The following ITGA8 variants were observed in gnomAD, a reference collection of about 807,000 sequenced individuals.
ITGA8 encodes integrin subunit alpha 8, also known as integrin alpha-8.
Under a neutral mutation model 142.3 loss-of-function variants are expected in ITGA8, and 91 were observed. The observed-to-expected ratio is 0.64, with a 90% CI of 0.54 to 0.76. The LOEUF is 0.76. Among genes scored for constraint, ITGA8 ranks in the 30% least tolerant of loss-of-function variants. ITGA8 has a pLI of 0.00. For synonymous variants in ITGA8, 505 were observed against 485.2 expected (o/e 1.04, Z -0.54); for missense variants, 1,406 against 1,327.7 (o/e 1.06, Z -0.92).
chr10:15,547,221 G>A (rs1175712259), intron 27 of ITGA8, among the ~76,000 whole-genome samples: 4 of 152,154 alleles, frequency 2.6e-5, no homozygotes, highest in South Asian at 2.1e-4. Context: ...TTTAAATAGC[G>A]CTTTCCAAAA....
chr10:15,662,955 C>T (rs1273609391), intron 8 of ITGA8, among the ~76,000 whole-genome samples: 1 of 152,040 alleles, frequency 6.6e-6, no homozygotes, highest in African/African-American at 2.4e-5. Context: ...GAGTCATGAA[C>T]GTGTATGAAA....
chr10:15,554,199 T>G (rs1255944038), intron 26 of ITGA8, among the ~76,000 whole-genome samples: 1 of 152,172 alleles, frequency 6.6e-6, no homozygotes, highest in Non-Finnish European at 1.5e-5. Context: ...GAAGTTAATT[T>G]AGGACTTCCG....
chr10:15,666,664 A>G (rs1371648180), intron 8 of ITGA8, among the ~76,000 whole-genome samples: 1 of 152,146 alleles, frequency 6.6e-6, no homozygotes, highest in African/African-American at 2.4e-5. Context: ...TTTGTCATAG[A>G]TAGCTCTTAT....
intron 27 of ITGA8, among the ~76,000 whole-genome samples, chr10:15,537,599 C>T (rs73598743): frequency 0.055 from 8,380 of 152,196 alleles, 748 homozygotes; most frequent in African/African-American, 0.19. Flanking sequence ...AGCCTCCTAC[C>T]GGAATAGAAT....
Position 15,655,383 on chromosome 10 carries a change from G to A in ITGA8, c.972C>T (p.Thr324=), listed in dbSNP as rs151180279. 244 of 1,610,286 alleles carry A rather than the reference G, an allele frequency of 1.5e-4. No individual in the cohort carries two copies. The African/African-American group carries it at 2.5e-3, about 17-fold the overall frequency. The part of the protein sequence containing the change: ...GEQMASYFGY[T]VVVSDVNSDG... ...CACTGTTAACATCTGATACGACAACGGTATATCCAAAATAAGATGCCATCT... is the reference window on the plus strand; with the variant it reads ...CACTGTTAACATCTGATACGACAACAGTATATCCAAAATAAGATGCCATCT... Residue 324 remains threonine (T), a synonymous_variant, in exon 11 of 30, where the codon ACC becomes ACT. Transcript: ENST00000378076.
chr10:15,520,371 C>G (rs1251809628), intron 28 of ITGA8, among the ~76,000 whole-genome samples: 2 of 152,180 alleles, frequency 1.3e-5, no homozygotes, highest in African/African-American at 4.8e-5. Flanking sequence ...CAAGATCATG[C>G]CACTGCACTC....
At chr10:15,657,509 C>CTTTCTTTTTTTTTTT (rs534714654) in intron 10 of ITGA8, among the ~76,000 whole-genome samples, 10 of 116,494 alleles carry the variant, frequency 8.6e-5, no homozygotes, top group African/African-American at 3.2e-4. Flanking sequence ...TCTTTTCTTT[C>CTTTCTTTTTTTTTTT]ATTTTTTTTT....
intron 2 of ITGA8, among the ~76,000 whole-genome samples, chr10:15,713,705 G>C (rs1464344189): frequency 6.6e-6 from 1 of 152,054 alleles, no homozygotes; most frequent in East Asian, 1.9e-4. Flanking sequence ...GATGCTTTAA[G>C]CTGCTTCTCA....
At chr10:15,551,220 A>G (rs1327262609) in intron 26 of ITGA8, among the ~76,000 whole-genome samples, 3 of 151,736 alleles carry the variant, frequency 2.0e-5, no homozygotes, top group East Asian at 1.9e-4. Flanking sequence ...GGCACTTAGG[A>G]ATTACTGGAA....
At chr10:15,530,539 C>G (rs568125923) in intron 28 of ITGA8, among the ~76,000 whole-genome samples, 107 of 3,544 alleles carry the variant, frequency 0.03, no homozygotes, top group East Asian at 0.11. Context: ...GAGCGAGACT[C>G]TCAAAAAAAA....
At chr10:15,538,103 C>T (rs1833485372) in intron 27 of ITGA8, among the ~76,000 whole-genome samples, 1 of 152,142 alleles carries the variant, frequency 6.6e-6, no homozygotes, top group African/African-American at 2.4e-5. Context: ...TGCACTTCAA[C>T]AGAGTAAGAC....
intron 8 of ITGA8, among the ~76,000 whole-genome samples, chr10:15,670,480 T>C (rs1284036063): frequency 6.6e-6 from 1 of 152,238 alleles, no homozygotes; most frequent in Non-Finnish European, 1.5e-5. Context: ...AAATTATTTC[T>C]GTCAAGCTGT....
At chr10:15,659,487 T>A (rs1417851975) in intron 9 of ITGA8, among the ~76,000 whole-genome samples, 1 of 152,250 alleles carries the variant, frequency 6.6e-6, no homozygotes, top group East Asian at 1.9e-4. Context: ...TACTTCTACT[T>A]AGACAACCGT....
At chr10:15,532,402 G>A (rs1400942777) in intron 27 of ITGA8, among the ~76,000 whole-genome samples, 2 of 100,910 alleles carry the variant, frequency 2.0e-5, no homozygotes, top group African/African-American at 8.1e-5. Flanking sequence ...CTGCGCAACC[G>A]AGTGAGACTC....
chr10:15,637,687 A>G (rs1209282822), intron 13 of ITGA8, among the ~76,000 whole-genome samples: 1 of 151,728 alleles, frequency 6.6e-6, no homozygotes, highest in Non-Finnish European at 1.5e-5. Flanking sequence ...AATTTTTTGT[A>G]TTTTTAGTAG....
intron 2 of ITGA8, among the ~76,000 whole-genome samples, chr10:15,703,847 A>C (rs1008741429): frequency 6.6e-6 from 1 of 151,846 alleles, no homozygotes; most frequent in Non-Finnish European, 1.5e-5. Flanking sequence ...ATCCTCCCCC[A>C]AAACACAAAA....
intron 28 of ITGA8, among the ~76,000 whole-genome samples, chr10:15,521,097 C>A (rs1307197425): frequency 6.6e-6 from 1 of 152,200 alleles, no homozygotes; most frequent in Non-Finnish European, 1.5e-5. Context: ...TGGCTCACTG[C>A]AACTTCCACC....
intron 2 of ITGA8, among the ~76,000 whole-genome samples, chr10:15,691,379 T>C (rs138282559): frequency 4.6e-5 from 7 of 152,276 alleles, no homozygotes; most frequent in Admixed American, 4.6e-4. Flanking sequence ...ATATTGAAAA[T>C]ATATCTGCAC....
intron 11 of ITGA8, 122 bp downstream of exon 11, chr10:15,655,232 G>T: frequency 1.7e-6 from 1 of 583,092 alleles, no homozygotes; most frequent in Non-Finnish European, 2.9e-6. Flanking sequence ...CAAAAAAGTT[G>T]AGAACAAGAG....
Sources: gnomAD v4.1 joint callset for allele counts (sites outside exome capture counted in the v4.1 genomes callset) on GRCh38, gnomAD v4.1.1 for gene constraint, MANE v1.5 for transcripts, NCBI Gene and HGNC (gene_info 2026-07-23, HGNC 2026-07-21) for gene names.